The following DNAH8 variants were observed in gnomAD, a reference collection of about 807,000 sequenced individuals.
The protein encoded by DNAH8 is dynein axonemal heavy chain 8.
A neutral mutation model predicts 562.1 loss-of-function variants in DNAH8; 382 were observed. That is an observed-to-expected ratio of 0.68 (90% CI 0.63 to 0.74). The LOEUF (loss-of-function observed/expected upper bound fraction) is 0.74, where lower values mean the gene tolerates loss of function less well. Among genes scored for constraint, DNAH8 ranks in the 30% least tolerant of loss-of-function variants. DNAH8 has a pLI of 0.00. For missense variants in DNAH8, 5,203 were observed against 5,620.4 expected (o/e 0.93, Z 2.37); for synonymous variants, 1,881 against 1,919.4 (o/e 0.98, Z 0.52).
chr6:39,014,833 G>T (rs1766461098), intron 91 of DNAH8, among the ~76,000 whole-genome samples: 1 of 152,140 alleles, frequency 6.6e-6, no homozygotes, highest in African/African-American at 2.4e-5. Context: ...GGCCTCAGGG[G>T]TTGGGGCTGT....
intron 70 of DNAH8, among the ~76,000 whole-genome samples, chr6:38,920,756 GA>G (rs892856181): frequency 5.3e-5 from 8 of 151,632 alleles, no homozygotes; most frequent in East Asian, 1.9e-4. Context: ...GAAATGAAAT[GA>G]AAAAAAATCA....
At chr6:38,940,022 A>G (rs1423228815) in intron 79 of DNAH8, among the ~76,000 whole-genome samples, 1 of 152,194 alleles carries the variant, frequency 6.6e-6, no homozygotes, top group Non-Finnish European at 1.5e-5. Context: ...AACTGGTGAC[A>G]TACTGTGGAG....
chr6:38,827,550 T>C (rs1773448516), intron 29 of DNAH8, among the ~76,000 whole-genome samples: 2 of 151,998 alleles, frequency 1.3e-5, no homozygotes, highest in Non-Finnish European at 2.9e-5. Flanking sequence ...TTATGACTGT[T>C]TTATGCTTTC....
At chr6:38,810,568 G>A (rs1404286620) in intron 24 of DNAH8, among the ~76,000 whole-genome samples, 1 of 151,860 alleles carries the variant, frequency 6.6e-6, no homozygotes, top group African/African-American at 2.4e-5. Context: ...TTCCAGCCTG[G>A]GCAACAGAGT....
intron 59 of DNAH8, among the ~76,000 whole-genome samples, 187 bp downstream of exon 59, chr6:38,895,051 C>T (rs1441186603): frequency 6.6e-6 from 1 of 152,134 alleles, no homozygotes; most frequent in Non-Finnish European, 1.5e-5. Context: ...ACTTCAGCCT[C>T]CCCCGTAGCT....
intron 87 of DNAH8, among the ~76,000 whole-genome samples, chr6:38,985,132 T>C (rs540974476): frequency 6.6e-6 from 1 of 152,368 alleles, no homozygotes; most frequent in East Asian, 1.9e-4. Context: ...TCACTTTTTC[T>C]CTGTGCCAAA....
chr6:38,752,185 A>AT, intron 9 of DNAH8, among the ~76,000 whole-genome samples: 2 of 149,500 alleles, frequency 1.3e-5, no homozygotes, highest in African/African-American at 5.0e-5. Flanking sequence ...CCACCCCGGG[A>AT]TGGAGTCTCT....
Position 38,982,381 on chromosome 6 carries a change from T to C in DNAH8, c.12870T>C (p.Ile4290=). The change falls in exon 86 of 93, where the codon ATT becomes ATC. Residue 4290 remains isoleucine, a synonymous_variant. Transcript: ENST00000327475. ...AATTTGGCCCCTTAGGATGGAATATTCCCTACGAATTCAATTCTGCTGACT... is the reference window on the plus strand; with the variant it reads ...AATTTGGCCCCTTAGGATGGAATATCCCCTACGAATTCAATTCTGCTGACT... ...RRKFGPLGWN[I]PYEFNSADFS... The C allele has an allele frequency of 6.2e-7, 1 of 1,611,604 alleles. No individual in the cohort carries two copies. The highest frequency in any genetic ancestry group is 1.1e-5 in the South Asian group (1 of 90,928).
chr6:38,899,218 T>C lies in DNAH8; in HGVS notation c.9064-558T>C, dbSNP rs189055764. On this transcript the variant is annotated intron_variant, in intron 61 of 92. Coordinates refer to ENST00000327475, the MANE Select transcript of DNAH8 (RefSeq NM_001206927.2). The stretch of plus-strand genomic sequence containing the variant: ...TTATCTTCACTGAGGAAATCAACCA[T>C]AGAAAAGCAACACAACATGAAAGGC... 3.4e-3 allele frequency among the ~76,000 whole-genome samples: 516 copies of C among 152,224 alleles called. 2 individuals are homozygous for C. The highest frequency in any genetic ancestry group is 4.8e-3 in the Non-Finnish European group (329 of 68,002).
At chr6:38,989,876 G>A in intron 87 of DNAH8, 136 bp from the exon 88 acceptor site, 2 of 579,792 alleles carry the variant, frequency 3.4e-6, no homozygotes, top group East Asian at 2.8e-5. Context: ...TCTATCAGTA[G>A]TATTGTTAAA....
Position 38,917,921 on chromosome 6 carries a change from T to C in DNAH8, c.10309-4T>C. On this transcript the variant is annotated splice_polypyrimidine_tract_variant and splice_region_variant and intron_variant, in intron 69 of 92. Coordinates refer to ENST00000327475, the MANE Select transcript of DNAH8 (RefSeq NM_001206927.2). ...AACTTACAGGTTATAATACTATTTT[T>C]CAGTTGATGAGTGCAACAGGATTCC... 1 of 1,602,762 alleles carries C rather than the reference T, an allele frequency of 6.2e-7. No homozygotes were observed. Among genetic ancestry groups the C allele is most frequent in the Non-Finnish European group, 8.5e-7 (1 of 1,174,092 alleles).
intron 49 of DNAH8, 56 bp downstream of exon 49, chr6:38,870,618 T>C (rs1015766228): frequency 9.2e-6 from 14 of 1,515,738 alleles, no homozygotes; most frequent in Middle Eastern, 1.7e-4. Flanking sequence ...TAAACATTCC[T>C]GTCTGAATAG....
intron 21 of DNAH8, among the ~76,000 whole-genome samples, chr6:38,794,063 A>G (rs1022560969): frequency 1.3e-5 from 2 of 152,210 alleles, no homozygotes; most frequent in Non-Finnish European, 2.9e-5. Flanking sequence ...AGAGGATAGA[A>G]TTTCTAAAGC....
intron 29 of DNAH8, among the ~76,000 whole-genome samples, chr6:38,827,254 A>C (rs1431037305): frequency 6.6e-6 from 1 of 152,180 alleles, no homozygotes; most frequent in Non-Finnish European, 1.5e-5. Flanking sequence ...CCCCATGGCA[A>C]GCTCCTTAAC....
chr6:38,739,184 T>G (rs1392810353), intron 7 of DNAH8, among the ~76,000 whole-genome samples: 15 of 152,214 alleles, frequency 9.9e-5, no homozygotes, highest in Admixed American at 9.8e-4. Context: ...AAATAATATT[T>G]TCCTGATATT....
At chr6:38,724,481 A>G (rs558571914) in intron 3 of DNAH8, among the ~76,000 whole-genome samples, 1 of 152,222 alleles carries the variant, frequency 6.6e-6, no homozygotes, top group Non-Finnish European at 1.5e-5. Context: ...AAGCTGCATA[A>G]ATAAGTCAGG....
chr6:38,899,491 T>C (rs1041358920), intron 61 of DNAH8, among the ~76,000 whole-genome samples: 12 of 152,230 alleles, frequency 7.9e-5, no homozygotes, highest in African/African-American at 1.2e-4. Context: ...AAATTCTACA[T>C]GCGTGCACAC....
intron 25 of DNAH8, among the ~76,000 whole-genome samples, chr6:38,814,368 G>T (rs1772062832): frequency 1.3e-5 from 2 of 152,208 alleles, no homozygotes. Context: ...AGCACCTGAC[G>T]TCAGGAGTTT....
intron 18 of DNAH8, among the ~76,000 whole-genome samples, chr6:38,787,997 C>T (rs1769340213): frequency 6.6e-6 from 1 of 151,842 alleles, no homozygotes; most frequent in Non-Finnish European, 1.5e-5. Context: ...GAGTCTAACT[C>T]CAACAATACA....
Sources: allele counts gnomAD v4.1 joint callset (sites outside exome capture counted in the v4.1 genomes callset), GRCh38; gene constraint gnomAD v4.1.1; transcripts MANE v1.5; gene names NCBI Gene and HGNC (gene_info 2026-07-23, HGNC 2026-07-21).